Variants in DENND5A observed in about 807,000 individuals in gnomAD.
DENND5A encodes the protein DENN domain-containing protein 5A.
A neutral mutation model predicts 140.3 loss-of-function variants in DENND5A; 64 were observed. The ratio of observed to expected loss-of-function variants is 0.46; its 90% CI spans 0.37 to 0.56. DENND5A has a LOEUF of 0.56. DENND5A is among the 20% of genes least tolerant of loss of function. The pLI is 0.00. For synonymous variants in DENND5A, 605 were observed against 607.7 expected, an observed-to-expected ratio of 1.00 and a Z score of 0.07; for missense variants, 1,292 against 1,593.8, an observed-to-expected ratio of 0.81 and a Z score of 3.22.
chr11:9,140,309 A>C lies in DENND5A; in HGVS notation c.3681-455T>G. 3 of 927,732 alleles carry C rather than the reference A, an allele frequency of 3.2e-6. No homozygotes were observed. The South Asian group carries it at 4.1e-5, about 13-fold the overall frequency. The allele number at this position is 927,732 out of a possible 1,614,324, so 57.5% of individuals were successfully genotyped here. The stretch of plus-strand genomic sequence containing the variant: ...TTTATAGATGAAGAAAGTAGGGTAG[A>C]TGGAAGTTAAGTAGCTTGTCCAAGA... On this transcript the variant is annotated intron_variant, in intron 22 of 22. Transcript: ENST00000328194.
intron 1 of DENND5A, among the ~76,000 whole-genome samples, chr11:9,231,441 C>T (rs761757599): frequency 2.0e-5 from 3 of 151,700 alleles, no homozygotes; most frequent in Non-Finnish European, 4.4e-5. Context: ...CCAGGCTGGG[C>T]GCGGTGGCTC....
At chr11:9,152,997 C>CAA (rs112900005) in intron 12 of DENND5A, among the ~76,000 whole-genome samples, 33 of 107,132 alleles carry the variant, frequency 3.1e-4, no homozygotes, top group African/African-American at 5.8e-4. Context: ...GACGCCGTCT[C>CAA]AAAAAAAAAA....
At chr11:9,229,423 A>G (rs1850669175) in intron 1 of DENND5A, among the ~76,000 whole-genome samples, 1 of 152,138 alleles carries the variant, frequency 6.6e-6, no homozygotes. Flanking sequence ...GGAAGACCTC[A>G]GAAATAGCCT....
intron 1 of DENND5A, among the ~76,000 whole-genome samples, chr11:9,259,881 T>C (rs932434455): frequency 1.3e-5 from 2 of 151,724 alleles, no homozygotes; most frequent in African/African-American, 4.8e-5. Flanking sequence ...ATACAAGAAT[T>C]AGCCAGGTGT....
intron 15 of DENND5A, among the ~76,000 whole-genome samples, chr11:9,147,823 C>G (rs1402890703): frequency 1.3e-5 from 2 of 152,162 alleles, no homozygotes; most frequent in Non-Finnish European, 2.9e-5. Flanking sequence ...AGCTTCAAAG[C>G]AATGATATCT....
rs750257094 is a variant in DENND5A at position 9,139,748 on chromosome 11, A to G, written c.3787T>C (p.Leu1263=). The G allele has an allele frequency of 4.3e-6, 7 of 1,614,118 alleles. 1 individual carries two copies. The highest frequency in any genetic ancestry group is 1.6e-4 in the Middle Eastern group (1 of 6,062). The change falls in exon 23 of 23, where the codon TTG becomes CTG. Residue 1263 remains leucine (L), a synonymous_variant. Transcript: ENST00000328194. ...TGCAATGTCTGCAGCACACGAATCA[A>G]GGAATTGACAAGTGTATGGTCTTTG... ...LIKDHTLVNS[L]IRVLQTLQEF...
chr11:9,168,603 A>G (rs1564892934), intron 10 of DENND5A, among the ~76,000 whole-genome samples: 1 of 152,064 alleles, frequency 6.6e-6, no homozygotes, highest in East Asian at 1.9e-4. Context: ...AATAACACAA[A>G]TAACCAAAAT....
At chr11:9,257,482 C>CA (rs1554937407) in intron 1 of DENND5A, among the ~76,000 whole-genome samples, 3 of 119,024 alleles carry the variant, frequency 2.5e-5, no homozygotes, top group Non-Finnish European at 1.8e-5. Context: ...ACACAGTATT[C>CA]TTTTTTTTTT....
intron 5 of DENND5A, among the ~76,000 whole-genome samples, chr11:9,187,406 G>A (rs921945783): frequency 6.6e-6 from 1 of 152,138 alleles, no homozygotes; most frequent in Non-Finnish European, 1.5e-5. Flanking sequence ...GGTAGACTTA[G>A]CTGCTCTGAG....
intron 8 of DENND5A, chr11:9,171,512 T>C (rs531987353): frequency 2.7e-4 from 41 of 152,276 alleles, no homozygotes; most frequent in African/African-American, 9.1e-4. Context: ...AGAATATTTA[T>C]AGGAATATGG....
intron 12 of DENND5A, among the ~76,000 whole-genome samples, chr11:9,154,658 C>T (rs757611185): frequency 3.3e-5 from 5 of 151,456 alleles, no homozygotes; most frequent in African/African-American, 7.3e-5. Flanking sequence ...ACTTCAAAGA[C>T]AATTTTTAAA....
intron 1 of DENND5A, among the ~76,000 whole-genome samples, chr11:9,228,110 C>CAAAAAAAAA: frequency 2.8e-5 from 2 of 72,648 alleles, no homozygotes; most frequent in East Asian, 4.2e-4. Flanking sequence ...GACTCCATCT[C>CAAAAAAAAA]AAAAAAAAAA....
chr11:9,143,335 A>T, intron 20 of DENND5A, 68 bp downstream of exon 20: 5 of 1,373,538 alleles, frequency 3.6e-6, no homozygotes, highest in Non-Finnish European at 5.2e-6. Flanking sequence ...TAACAAGATA[A>T]TCGGAAAAAC....
chr11:9,251,913 T>C (rs914858759), intron 1 of DENND5A, among the ~76,000 whole-genome samples: 1 of 148,208 alleles, frequency 6.7e-6, no homozygotes, highest in Non-Finnish European at 1.5e-5. Flanking sequence ...GGCGTGAACC[T>C]AGGAGGCGGA....
Position 9,139,874 on chromosome 11 carries a change from C to T in DENND5A, c.3681-20G>A, listed in dbSNP as rs1455776673. 1 of 1,611,440 alleles carries T rather than the reference C, an allele frequency of 6.2e-7. No homozygotes were observed. Among genetic ancestry groups the T allele is most frequent in the East Asian group, 2.2e-5 (1 of 44,822 alleles). ...TGATCTCTGGCAGAGCGGGAGCAGT[C>T]CAGGCAGGTCAGAGGGGCAAAGGAA... On this transcript the variant is annotated intron_variant, in intron 22 of 22. Transcript: ENST00000328194.
In DENND5A at chr11:9,138,906, A is replaced by G. The variant is rs1041470114; in HGVS notation, c.*765T>C. ...AAAACATAAATTTAATAATAATAACATAGCCAGTTAGATTGTGACAAGCTT... is the reference window on the plus strand; with the variant it reads ...AAAACATAAATTTAATAATAATAACGTAGCCAGTTAGATTGTGACAAGCTT... On this transcript the variant is annotated 3_prime_UTR_variant, in exon 23 of 23. Transcript: ENST00000328194. The G allele has an allele frequency of 6.6e-6, 1 of 152,264 alleles. No individual in the cohort carries two copies. The highest frequency in any genetic ancestry group is 1.5e-5 in the Non-Finnish European group (1 of 68,038). The allele number at this position is 152,264 out of a possible 1,614,324, so 9.4% of individuals were successfully genotyped here.
chr11:9,196,235 G>A (rs1444568759), intron 4 of DENND5A, among the ~76,000 whole-genome samples: 2 of 152,180 alleles, frequency 1.3e-5, no homozygotes, highest in African/African-American at 2.4e-5. Flanking sequence ...TTACAGGTGT[G>A]AGCCACCGTG....
chr11:9,142,850 G>A lies in DENND5A; in HGVS notation c.3388-5C>T, dbSNP rs761813895. ...CAACAGCGTCAGACTGCCTCGCTAC[G>A]TAAGGAAACAGGGGAGGGTGCCAGG... On this transcript the variant is annotated splice_polypyrimidine_tract_variant and splice_region_variant and intron_variant, in intron 20 of 22. Transcript: ENST00000328194. The A allele has an allele frequency of 9.3e-6, 15 of 1,613,840 alleles. No individual in the cohort carries two copies. Among genetic ancestry groups the A allele is most frequent in the Middle Eastern group, 1.7e-4 (1 of 6,048 alleles).
At chr11:9,157,424 A>G (rs1484585198) in intron 12 of DENND5A, among the ~76,000 whole-genome samples, 1 of 152,148 alleles carries the variant, frequency 6.6e-6, no homozygotes, top group African/African-American at 2.4e-5. Flanking sequence ...AGATTACTTC[A>G]TTATTCATGT....
Sources: allele counts gnomAD v4.1 joint callset (sites outside exome capture counted in the v4.1 genomes callset), GRCh38; gene constraint gnomAD v4.1.1; transcripts MANE v1.5; gene names NCBI Gene and HGNC (gene_info 2026-07-23, HGNC 2026-07-21).